The following IL18BP variants were observed in gnomAD, a reference collection of about 807,000 sequenced individuals.
IL18BP encodes interleukin-18-binding protein.
In IL18BP, 23 loss-of-function variants were observed where a neutral mutation model predicts 19.9. The ratio of observed to expected loss-of-function variants is 1.15; its 90% CI spans 0.83 to 1.64. IL18BP has a LOEUF of 1.64. Ranked by LOEUF, IL18BP falls within the 40% of genes most tolerant of loss-of-function variation. The pLI is 0.00. For missense variants in IL18BP, 239 were observed against 240.7 expected (o/e 0.99, Z 0.05); for synonymous variants, 107 against 101.0 (o/e 1.06, Z -0.35).
intron 2 of IL18BP, 85 bp from the exon 3 acceptor site, chr11:72,000,266 G>T (rs1344541248): frequency 2.5e-5 from 31 of 1,252,618 alleles, no homozygotes; most frequent in Admixed American, 3.4e-5. Flanking sequence ...CTAGAACCCA[G>T]ACATCTCTGG....
At chr11:72,005,273 C>T, downstream of IL18BP, 1 of 1,605,846 alleles carries the variant, frequency 6.2e-7, no homozygotes, top group Non-Finnish European at 8.5e-7. Flanking sequence ...ATGTGGGGGG[C>T]ACACTCGATT....
At chr11:72,007,598 G>C (rs1955830209), downstream of IL18BP, 4 of 867,788 alleles carry the variant, frequency 4.6e-6, no homozygotes, top group Admixed American at 2.5e-5. Context: ...CTTGACCTGG[G>C]CCTTCCTTTC....
chr11:72,005,921 A>ATGG (rs1463051582), downstream of IL18BP: 13 of 859,142 alleles, frequency 1.5e-5, no homozygotes, highest in Non-Finnish European at 2.4e-5. Context: ...GTGGAGCTGG[A>ATGG]TGGTAGCAAG....
downstream of IL18BP, chr11:72,006,215 T>C (rs1481777679): frequency 6.2e-7 from 1 of 1,614,150 alleles, no homozygotes; most frequent in Admixed American, 1.7e-5. Flanking sequence ...GCAGACCGCG[T>C]GCTGTAGAAC....
chr11:72,007,050 T>C (rs1009999597), downstream of IL18BP: 9 of 1,038,110 alleles, frequency 8.7e-6, no homozygotes, highest in Non-Finnish European at 1.2e-5. Context: ...ACTGCCCTTT[T>C]TAAGACCTCT....
chr11:72,004,809 A>G, downstream of IL18BP: 1 of 1,572,538 alleles, frequency 6.4e-7, no homozygotes, highest in Non-Finnish European at 8.6e-7. Flanking sequence ...GCCCAGGCTC[A>G]GGGAAGGCTG....
At chr11:72,007,937 A>C, downstream of IL18BP, 1 of 372,032 alleles carries the variant, frequency 2.7e-6, no homozygotes, top group Non-Finnish European at 5.3e-6. Flanking sequence ...TAGACTCATC[A>C]TGGCACTGAC....
chr11:71,999,528 C>G (rs1955099439), intron 1 of IL18BP: 1 of 213,850 alleles, frequency 4.7e-6, no homozygotes, highest in Admixed American at 5.3e-5. Context: ...CACAGCTGCT[C>G]AAGATTCCCT....
In IL18BP at chr11:72,001,984, C is replaced by T; in HGVS notation, c.*123C>T. ...TGGATGCGCAACACACCCCCTCCTTCTCTGCTTTGGGTCCCTTCTCTCACC... is the reference window on the plus strand; with the variant it reads ...TGGATGCGCAACACACCCCCTCCTTTTCTGCTTTGGGTCCCTTCTCTCACC... On this transcript the variant is annotated 3_prime_UTR_variant, in exon 6 of 6. Transcript: ENST00000393703. The T allele has an allele frequency of 7.0e-7, 1 of 1,419,134 alleles. No homozygotes were observed. Among genetic ancestry groups the T allele is most frequent in the South Asian group, 1.3e-5 (1 of 75,958 alleles). The allele number at this position is 1,419,134 out of a possible 1,614,324, so 87.9% of individuals were successfully genotyped here.
downstream of IL18BP, among the ~76,000 whole-genome samples, chr11:72,005,010 T>TGC (rs1438790150): frequency 6.6e-6 from 1 of 152,122 alleles, no homozygotes; most frequent in Non-Finnish European, 1.5e-5. Flanking sequence ...CCACAAGCAG[T>TGC]GCAGTCCTGA....
rs367875539 is a variant in IL18BP, at chr11:72,001,886, C to T, written c.*25C>T. ...AGACTCAGCACAGGGCCAGCAGCAG[C>T]ACAACCTTGACCAGAGCTTGGGTCC... On this transcript the variant is annotated 3_prime_UTR_variant, in exon 6 of 6. Transcript: ENST00000393703. The T allele has an allele frequency of 1.5e-5, 25 of 1,614,026 alleles. No homozygotes were observed. Among genetic ancestry groups the T allele is most frequent in the East Asian group, 1.3e-4 (6 of 44,876 alleles).
downstream of IL18BP, chr11:72,007,662 C>A: frequency 1.7e-6 from 1 of 586,600 alleles, no homozygotes; most frequent in Non-Finnish European, 3.0e-6. Flanking sequence ...ATGCCCAGAC[C>A]CAGATGTCCC....
downstream of IL18BP, chr11:72,008,165 TGTAA>T (rs1189880663): frequency 3.8e-5 from 18 of 475,360 alleles, no homozygotes; most frequent in Middle Eastern, 6.2e-4. Flanking sequence ...AATAAGTAAA[TGTAA>T]GTGTTTAATA....
downstream of IL18BP, chr11:72,004,085 C>T: frequency 6.2e-7 from 1 of 1,613,098 alleles, no homozygotes; most frequent in Non-Finnish European, 8.5e-7. Flanking sequence ...AGGCCATCGA[C>T]TGGCGCCGGT....
rs1302976916 is a variant in IL18BP, at chr11:72,001,890, A to G, written c.*29A>G. On this transcript the variant is annotated 3_prime_UTR_variant, in exon 6 of 6. Transcript: ENST00000393703. ...TCAGCACAGGGCCAGCAGCAGCACA[A>G]CCTTGACCAGAGCTTGGGTCCTACC... 3.7e-6 allele frequency: 6 copies of G among 1,613,872 alleles called. No individual in the cohort carries two copies. Among genetic ancestry groups the G allele is most frequent in the Admixed American group, 1.7e-5 (1 of 59,992 alleles).
downstream of IL18BP, chr11:72,003,353 C>T (rs964559152): frequency 4.7e-5 from 31 of 665,744 alleles, no homozygotes; most frequent in Non-Finnish European, 4.6e-5. Context: ...TCCGAGAAGG[C>T]GCCAGTGAAG....
At chr11:72,003,230 C>T (rs1955383016), downstream of IL18BP, 1 of 473,320 alleles carries the variant, frequency 2.1e-6, no homozygotes, top group Admixed American at 3.5e-5. Context: ...ACCCAGCCAT[C>T]AAAACCAGCC....
In IL18BP at chr11:72,002,795, C is replaced by T. The variant is rs968012916; in HGVS notation, c.*934C>T. On this transcript the variant is annotated 3_prime_UTR_variant, in exon 6 of 6. Coordinates refer to ENST00000393703, the MANE Select transcript of IL18BP (RefSeq NM_001039660.2). ...AAAGGAGGTGGTATGGAAGACTCAG[C>T]AGGAACAAGGTAGGCTTCAAAGAGC... 3 of 188,544 alleles carry T rather than the reference C, an allele frequency of 1.6e-5. No individual in the cohort carries two copies. Among genetic ancestry groups the T allele is most frequent in the Non-Finnish European group, 3.4e-5 (3 of 89,434 alleles). 11.7% of individuals were successfully genotyped at this position (188,544 alleles called of 1,614,324 possible).
downstream of IL18BP, chr11:72,004,543 G>T: frequency 7.5e-7 from 1 of 1,334,768 alleles, no homozygotes; most frequent in East Asian, 2.3e-5. Context: ...AGAGGGGGAA[G>T]TGAGGGAAGG....
Sources: allele counts gnomAD v4.1 joint callset (sites outside exome capture counted in the v4.1 genomes callset), GRCh38; gene constraint gnomAD v4.1.1; transcripts MANE v1.5; gene names NCBI Gene and HGNC (gene_info 2026-07-23, HGNC 2026-07-21).